Variants in EPHA3 observed in about 807,000 individuals in gnomAD.
EPHA3 encodes ephrin type-A receptor 3.
Under a neutral mutation model 107.1 loss-of-function variants are expected in EPHA3, and 42 were observed. The ratio of observed to expected loss-of-function variants is 0.39; its 90% CI spans 0.31 to 0.51. The LOEUF (loss-of-function observed/expected upper bound fraction) is 0.51. EPHA3 is among the 20% of genes least tolerant of loss of function. The pLI is 0.78. For synonymous variants in EPHA3, 461 were observed against 424.8 expected (o/e 1.09, Z -1.05); for missense variants, 1,183 against 1,211.2 (o/e 0.98, Z 0.35).
chr3:89,430,840 C>A (rs544796204), intron 12 of EPHA3, among the ~76,000 whole-genome samples: 2 of 152,182 alleles, frequency 1.3e-5, no homozygotes, highest in South Asian at 4.1e-4. Context: ...CTTTTTTGTT[C>A]TTAACCTTAA....
intron 2 of EPHA3, among the ~76,000 whole-genome samples, chr3:89,184,085 T>A: frequency 6.6e-6 from 1 of 152,006 alleles, no homozygotes; most frequent in African/African-American, 2.4e-5. Context: ...ATTTTCAAGA[T>A]GTTGGTATTC....
In EPHA3 at chr3:89,450,299, GATTGTTAGT is replaced by G; in HGVS notation, c.2623_2631del (p.Val875_Ile877del). 1 of 1,614,042 alleles carries G rather than the reference GATTGTTAGT, an allele frequency of 6.2e-7. No homozygotes were observed. The highest frequency in any genetic ancestry group is 8.5e-7 in the Non-Finnish European group (1 of 1,179,968). On this transcript the variant is annotated inframe_deletion, in exon 15 of 17. Coordinates refer to ENST00000336596, the MANE Select transcript of EPHA3 (RefSeq NM_005233.6). ...GGAACAACAGACCCAAGTTTGAGCA[GATTGTTAGT>G]ATTCTGGACAAGCTTATCCGGAATC...
rs767404825 is a variant in EPHA3, at chr3:89,127,270, T to C, written c.150T>C (p.His50=). ...GELGWISYPS[H]GWEEISGVDE... ...TGGGCTGGATCTCTTATCCATCACA[T>C]GGGGTGAGTTCAATAAACTATCACA... The change falls in exon 2 of 17, where the codon CAT becomes CAC. Residue 50 remains histidine (H), a synonymous_variant. Coordinates refer to ENST00000336596, the MANE Select transcript of EPHA3 (RefSeq NM_005233.6). 5.6e-6 allele frequency: 9 copies of C among 1,611,374 alleles called. No individual in the cohort carries two copies. In the South Asian group the frequency reaches 8.8e-5, roughly 16 times the overall value.
chr3:89,375,575 T>C (rs1427424938), intron 5 of EPHA3, among the ~76,000 whole-genome samples: 1 of 151,244 alleles, frequency 6.6e-6, no homozygotes, highest in Non-Finnish European at 1.5e-5. Flanking sequence ...TCTTCATCAG[T>C]CATTGACTGA....
At chr3:89,110,523 G>T (rs1228356365) in intron 1 of EPHA3, among the ~76,000 whole-genome samples, 4 of 151,814 alleles carry the variant, frequency 2.6e-5, no homozygotes, top group African/African-American at 9.7e-5. Context: ...TGATAATAGG[G>T]ACTCATCAAC....
intron 3 of EPHA3, among the ~76,000 whole-genome samples, chr3:89,259,184 G>T (rs1263138600): frequency 6.6e-6 from 1 of 152,034 alleles, no homozygotes; most frequent in Non-Finnish European, 1.5e-5. Flanking sequence ...ATCTGCCCTA[G>T]TTACCTCTCT....
intron 3 of EPHA3, among the ~76,000 whole-genome samples, chr3:89,316,232 G>A (rs1706896408): frequency 6.6e-6 from 1 of 151,424 alleles, no homozygotes; most frequent in African/African-American, 2.4e-5. Context: ...GGCACCAGGT[G>A]GGAATGTTAA....
chr3:89,180,270 A>G (rs1232607358), intron 2 of EPHA3, among the ~76,000 whole-genome samples: 1 of 151,894 alleles, frequency 6.6e-6, no homozygotes, highest in Admixed American at 6.6e-5. Context: ...ATGTGGAAAT[A>G]TTTAGGCATT....
intron 3 of EPHA3, among the ~76,000 whole-genome samples, chr3:89,278,597 TA>T (rs1459383122): frequency 6.6e-6 from 1 of 152,156 alleles, no homozygotes; most frequent in African/African-American, 2.4e-5. Flanking sequence ...CGCAATGGCC[TA>T]TTTTGTGACG....
Position 89,356,054 on chromosome 3 carries a change from A to G in EPHA3, c.1306+13964A>G, listed in dbSNP as rs778163758. Among the ~76,000 whole-genome samples, 178 of 128,652 alleles carry G rather than the reference A, an allele frequency of 1.4e-3. 8 individuals carry two copies. Among genetic ancestry groups the G allele is most frequent in the South Asian group, 4.0e-3 (17 of 4,200 alleles). The allele number at this position is 128,652 out of a possible 152,430, so 84.4% of individuals were successfully genotyped here. A position where few individuals can be genotyped will look rare whatever the true frequency, so the allele number is the denominator to read the frequency against. On this transcript the variant is annotated intron_variant, in intron 5 of 16. Coordinates refer to ENST00000336596, the MANE Select transcript of EPHA3 (RefSeq NM_005233.6). ...TGTGTCCATGTGTTCTCATTGTTCAATTCTCACCTATGAGTGAGAATATAC... is the reference window on the plus strand; with the variant it reads ...TGTGTCCATGTGTTCTCATTGTTCAGTTCTCACCTATGAGTGAGAATATAC...
intron 5 of EPHA3, among the ~76,000 whole-genome samples, chr3:89,352,566 T>TA (rs999309942): frequency 4.6e-5 from 7 of 150,758 alleles, no homozygotes; most frequent in Non-Finnish European, 4.4e-5. Context: ...AAGATATACT[T>TA]AAAAAAAGAA....
intron 3 of EPHA3, among the ~76,000 whole-genome samples, chr3:89,272,006 C>A (rs1015043098): frequency 6.6e-6 from 1 of 151,918 alleles, no homozygotes; most frequent in African/African-American, 2.4e-5. Flanking sequence ...TATATTTTTT[C>A]TTCCTTATGA....
intron 15 of EPHA3, among the ~76,000 whole-genome samples, chr3:89,457,628 T>C (rs993710178): frequency 2.6e-5 from 4 of 152,172 alleles, no homozygotes; most frequent in African/African-American, 9.7e-5. Flanking sequence ...CTGCGATAGA[T>C]GATTCGTCAG....
At chr3:89,366,592 A>G (rs1350428811) in intron 5 of EPHA3, among the ~76,000 whole-genome samples, 3 of 150,586 alleles carry the variant, frequency 2.0e-5, no homozygotes, top group Non-Finnish European at 4.5e-5. Context: ...TAGATAATAG[A>G]GCATGGAATT....
Position 89,218,132 on chromosome 3 carries a change from T to TTTA in EPHA3, c.814+7635_814+7637dup, listed in dbSNP as rs148902822. ...GTTCTGGCTGTAAAGCATCTTGGAT[T>TTTA]TTATTATTATTATTATTATTATTAT... On this transcript the variant is annotated intron_variant, in intron 3 of 16. Coordinates refer to ENST00000336596, the MANE Select transcript of EPHA3 (RefSeq NM_005233.6). Among the ~76,000 whole-genome samples the TTTA allele has an allele frequency of 3.2e-3, 487 of 151,016 alleles. 2 individuals are homozygous for TTTA. Among genetic ancestry groups the TTTA allele is most frequent in the African/African-American group, 6.7e-3 (277 of 41,272 alleles).
At chr3:89,359,859 A>ATTTAAGCATATATATAT (rs1708056330) in intron 5 of EPHA3, among the ~76,000 whole-genome samples, 2 of 146,578 alleles carry the variant, frequency 1.4e-5, no homozygotes, top group Non-Finnish European at 3.0e-5. Flanking sequence ...ATATCTTTGG[A>ATTTAAGCATATATATAT]TTGTTGCAGT....
At chr3:89,192,343 C>A (rs1424679846) in intron 2 of EPHA3, among the ~76,000 whole-genome samples, 2 of 152,008 alleles carry the variant, frequency 1.3e-5, no homozygotes, top group Admixed American at 6.6e-5. Flanking sequence ...GTACTCTGAG[C>A]CTTCGTAGAT....
At chr3:89,168,613 A>G (rs980505120) in intron 2 of EPHA3, among the ~76,000 whole-genome samples, 3 of 151,908 alleles carry the variant, frequency 2.0e-5, no homozygotes, top group Non-Finnish European at 2.9e-5. Context: ...AGAGTTTAGT[A>G]TATTATATCA....
intron 6 of EPHA3, among the ~76,000 whole-genome samples, chr3:89,396,740 G>C (rs1708858004): frequency 6.6e-6 from 1 of 152,044 alleles, no homozygotes; most frequent in Non-Finnish European, 1.5e-5. Context: ...ACATATTTGT[G>C]TATCTACTTC....
Sources: allele counts gnomAD v4.1 joint callset (sites outside exome capture counted in the v4.1 genomes callset), GRCh38; gene constraint gnomAD v4.1.1; transcripts MANE v1.5; gene names NCBI Gene and HGNC (gene_info 2026-07-23, HGNC 2026-07-21).